PPP1CB: variants seen among roughly 807,000 people sequenced by gnomAD.
The protein encoded by PPP1CB is serine/threonine-protein phosphatase PP1-beta catalytic subunit.
A neutral mutation model predicts 43.7 loss-of-function variants in PPP1CB; 2 were observed. The observed-to-expected ratio is 0.05, with a 90% confidence interval of 0.02 to 0.14. PPP1CB has a LOEUF of 0.14. Among genes scored for constraint, PPP1CB ranks in the 10% least tolerant of loss-of-function variants. PPP1CB has a pLI of 1.00. For missense variants in PPP1CB, 84 were observed against 398.0 expected (o/e 0.21, Z 6.71); for synonymous variants, 136 against 135.6 (o/e 1.00, Z -0.02).
chr2:28,782,014 A>G, intron 4 of PPP1CB, 172 bp downstream of exon 4: 1 of 651,002 alleles, frequency 1.5e-6, no homozygotes, highest in Non-Finnish European at 2.7e-6. Flanking sequence ...ATTTATTTAT[A>G]AATGAAAACG....
At chr2:28,792,139 G>T (rs546195490) in intron 6 of PPP1CB, among the ~76,000 whole-genome samples, 1 of 152,140 alleles carries the variant, frequency 6.6e-6, no homozygotes, top group East Asian at 1.9e-4. Flanking sequence ...TCAGGAGTTC[G>T]AGGCCAGCCT....
chr2:28,797,612 T>C (rs888026314), intron 7 of PPP1CB, among the ~76,000 whole-genome samples: 1 of 152,154 alleles, frequency 6.6e-6, no homozygotes, highest in African/African-American at 2.4e-5. Flanking sequence ...TTATTCTAGG[T>C]TTCCTAGTTT....
At chr2:28,763,413 C>T (rs1572447307) in intron 1 of PPP1CB, among the ~76,000 whole-genome samples, 1 of 151,724 alleles carries the variant, frequency 6.6e-6, no homozygotes, top group Non-Finnish European at 1.5e-5. Context: ...TTTACCCATC[C>T]TTGCTTTTGT....
chr2:28,782,537 G>A (rs1347019214), intron 4 of PPP1CB: 1 of 152,516 alleles, frequency 6.6e-6, no homozygotes, highest in Non-Finnish European at 1.5e-5. Flanking sequence ...GGGTACATGT[G>A]TGTATGGAGG....
chr2:28,766,474 A>G (rs974902974), intron 1 of PPP1CB, among the ~76,000 whole-genome samples: 1 of 152,316 alleles, frequency 6.6e-6, no homozygotes, highest in African/African-American at 2.4e-5. Flanking sequence ...GTATTTTTCT[A>G]CTTTACCATC....
At chr2:28,776,747 G>A in intron 1 of PPP1CB, 104 bp from the exon 2 acceptor site, 2 of 1,023,400 alleles carry the variant, frequency 2.0e-6, no homozygotes, top group Non-Finnish European at 2.9e-6. Flanking sequence ...GTAATTTGCT[G>A]CCTGTGTGAC....
chr2:28,785,231 C>T (rs1480390896), intron 5 of PPP1CB, among the ~76,000 whole-genome samples: 1 of 151,266 alleles, frequency 6.6e-6, no homozygotes, highest in Non-Finnish European at 1.5e-5. Flanking sequence ...CCCGCCACCA[C>T]ACCCGGCCAA....
chr2:28,767,080 C>CA (rs70956037), intron 1 of PPP1CB, among the ~76,000 whole-genome samples: 148 of 141,952 alleles, frequency 1.0e-3, no homozygotes, highest in Middle Eastern at 3.5e-3. Context: ...GACTCCATCT[C>CA]AAAAAAAAAA....
intron 1 of PPP1CB, among the ~76,000 whole-genome samples, chr2:28,771,055 C>CCCTT (rs1558302176): frequency 1.2e-4 from 7 of 59,590 alleles, no homozygotes; most frequent in African/African-American, 2.5e-4. Context: ...CCCCCCCACC[C>CCCTT]TTTTTTTTTT....
At chr2:28,772,900 CT>C (rs758212422) in intron 1 of PPP1CB, among the ~76,000 whole-genome samples, 1 of 152,182 alleles carries the variant, frequency 6.6e-6, no homozygotes, top group Non-Finnish European at 1.5e-5. Flanking sequence ...TTTCAAATGA[CT>C]GTTAAACACA....
At chr2:28,774,783 T>G (rs556785550) in intron 1 of PPP1CB, among the ~76,000 whole-genome samples, 2 of 152,294 alleles carry the variant, frequency 1.3e-5, no homozygotes, top group South Asian at 4.1e-4. Flanking sequence ...CTGAGATGTC[T>G]TTTTGGTGTT....
chr2:28,784,038 T>G, intron 5 of PPP1CB, 60 bp downstream of exon 5: 2 of 1,297,084 alleles, frequency 1.5e-6, no homozygotes, highest in Non-Finnish European at 2.2e-6. Flanking sequence ...TGAACTTGAT[T>G]ACATTTAGTG....
intron 1 of PPP1CB, among the ~76,000 whole-genome samples, chr2:28,754,145 A>G (rs1418904232): frequency 6.6e-6 from 1 of 152,092 alleles, no homozygotes; most frequent in East Asian, 1.9e-4. Context: ...TGTAGGCATA[A>G]AACAGATTTA....
intron 6 of PPP1CB, among the ~76,000 whole-genome samples, chr2:28,789,987 G>A (rs1444878227): frequency 6.6e-6 from 1 of 151,504 alleles, no homozygotes; most frequent in Non-Finnish European, 1.5e-5. Flanking sequence ...GACCATTGAA[G>A]AATTTGATTG....
At position 28,800,722 on chromosome 2, in the gene PPP1CB, TA is replaced by T. The variant is rs1667596595; in HGVS notation, c.*1423del. ...ACTGTGACACTATTGGATGTGATTCTAAAAGCTTTTATTGAGCATTGTCAAA... is the reference window on the plus strand; with the variant it reads ...ACTGTGACACTATTGGATGTGATTCTAAAGCTTTTATTGAGCATTGTCAAA... On this transcript the variant is annotated 3_prime_UTR_variant, in exon 8 of 8. Transcript: ENST00000395366. 1 of 152,502 alleles carries T rather than the reference TA, an allele frequency of 6.6e-6. No individual in the cohort carries two copies. The highest frequency in any genetic ancestry group is 1.5e-5 in the Non-Finnish European group (1 of 67,920). 9.4% of individuals were successfully genotyped at this position (152,502 alleles called of 1,614,324 possible). A position where few individuals can be genotyped will look rare whatever the true frequency, so the allele number is the denominator to read the frequency against.
At chr2:28,767,432 T>C (rs1315861506) in intron 1 of PPP1CB, among the ~76,000 whole-genome samples, 4 of 152,186 alleles carry the variant, frequency 2.6e-5, no homozygotes, top group African/African-American at 7.2e-5. Flanking sequence ...ATCCACACTT[T>C]ATTGTGTCTT....
At chr2:28,761,926 G>A (rs779813306) in intron 1 of PPP1CB, among the ~76,000 whole-genome samples, 1 of 152,156 alleles carries the variant, frequency 6.6e-6, no homozygotes, top group Non-Finnish European at 1.5e-5. Context: ...AATTGAAAAC[G>A]AGCTTTTATT....
intron 1 of PPP1CB, among the ~76,000 whole-genome samples, chr2:28,757,419 T>G (rs1271251706): frequency 6.6e-6 from 1 of 152,206 alleles, no homozygotes; most frequent in Non-Finnish European, 1.5e-5. Context: ...CTAGGTCATA[T>G]GGTAGCCCTA....
Position 28,790,411 on chromosome 2 carries a change from C to T in PPP1CB, c.744+1602C>T, listed in dbSNP as rs111977819. Among the ~76,000 whole-genome samples the T allele has an allele frequency of 4.9e-3, 740 of 152,288 alleles. 9 individuals carry two copies. Among genetic ancestry groups the T allele is most frequent in the African/African-American group, 0.017 (704 of 41,558 alleles). ...CTGGAGTGCAGTGGCATGATCTCGG[C>T]TCACTGCAACTTCCGCCTCCCAGGT... On this transcript the variant is annotated intron_variant, in intron 6 of 7. Transcript: ENST00000395366.
Sources: allele counts gnomAD v4.1 joint callset (sites outside exome capture counted in the v4.1 genomes callset), GRCh38; gene constraint gnomAD v4.1.1; transcripts MANE v1.5; gene names NCBI Gene and HGNC (gene_info 2026-07-23, HGNC 2026-07-21).